MIPOL1: variants seen among roughly 807,000 people sequenced by gnomAD.
MIPOL1 encodes the protein mirror-image polydactyly gene 1 protein.
MIPOL1 carries 57 observed loss-of-function variants against 60.9 expected under a neutral mutation model. The ratio of observed to expected loss-of-function variants is 0.94; its 90% CI spans 0.76 to 1.17. The LOEUF is 1.17. MIPOL1 is among the 50% of genes most tolerant of loss of function. The pLI, the probability that MIPOL1 is intolerant of heterozygous loss-of-function variation, is 0.00. For missense variants in MIPOL1, 551 were observed against 511.6 expected (o/e 1.08, Z -0.74); for synonymous variants, 179 against 168.8 (o/e 1.06, Z -0.47).
chr14:37,268,580 C>A, intron 4 of MIPOL1, 78 bp from the exon 5 acceptor site: 3 of 1,093,676 alleles, frequency 2.7e-6, no homozygotes, highest in Non-Finnish European at 2.6e-6. Context: ...CAAGTTGATA[C>A]TGTTCTCAAG....
chr14:37,349,285 G>A (rs1034106737), intron 9 of MIPOL1, among the ~76,000 whole-genome samples: 4 of 152,086 alleles, frequency 2.6e-5, no homozygotes, highest in African/African-American at 9.7e-5. Context: ...ACTGCACCCG[G>A]CCACTGTGTC....
At chr14:37,324,235 ACT>A (rs2088912945) in intron 9 of MIPOL1, among the ~76,000 whole-genome samples, 1 of 151,996 alleles carries the variant, frequency 6.6e-6, no homozygotes, top group African/African-American at 2.4e-5. Flanking sequence ...TGCTATTGTC[ACT>A]GTCTTTAATT....
chr14:37,362,360 C>G lies in MIPOL1; in HGVS notation c.829-7157C>G, dbSNP rs113908098. Reference sequence around the variant, plus strand: ...TCTGTAAAGGATTATTTCTCCTTCACTTATGAAGCTTAGTTTGGCTGGATA... The same window carrying G: ...TCTGTAAAGGATTATTTCTCCTTCAGTTATGAAGCTTAGTTTGGCTGGATA... On this transcript the variant is annotated intron_variant, in intron 9 of 12. Coordinates refer to ENST00000684589, the MANE Select transcript of MIPOL1 (RefSeq NM_001388067.1). Among the ~76,000 whole-genome samples, 3 of 152,282 alleles carry G rather than the reference C, an allele frequency of 2.0e-5. 1 individual carries two copies. The highest frequency in any genetic ancestry group is 7.2e-5 in the African/African-American group (3 of 41,564).
At chr14:37,545,042 A>G (rs1399695529) in intron 12 of MIPOL1, among the ~76,000 whole-genome samples, 1 of 152,170 alleles carries the variant, frequency 6.6e-6, no homozygotes, top group Non-Finnish European at 1.5e-5. Context: ...GACAACATAG[A>G]GCTGACTTTT....
intron 1 of MIPOL1, among the ~76,000 whole-genome samples, chr14:37,245,398 T>A (rs1459679486): frequency 6.6e-6 from 1 of 152,120 alleles, no homozygotes; most frequent in Non-Finnish European, 1.5e-5. Context: ...ACATGAATAA[T>A]AAGTACTTTC....
intron 11 of MIPOL1, among the ~76,000 whole-genome samples, chr14:37,457,189 G>T (rs960564289): frequency 6.6e-6 from 1 of 152,128 alleles, no homozygotes; most frequent in Non-Finnish European, 1.5e-5. Flanking sequence ...TTAGACCAGG[G>T]CTGTAGGTGA....
chr14:37,292,016 C>T (rs1459992778), intron 7 of MIPOL1, among the ~76,000 whole-genome samples: 1 of 150,308 alleles, frequency 6.7e-6, no homozygotes, highest in East Asian at 2.0e-4. Flanking sequence ...AGCTCCACCT[C>T]CCGGGTTCAT....
chr14:37,293,676 C>T (rs541169876), intron 7 of MIPOL1, among the ~76,000 whole-genome samples: 8 of 152,276 alleles, frequency 5.3e-5, no homozygotes, highest in South Asian at 2.1e-4. Context: ...ACACCTAGAT[C>T]GGAGGGTCCT....
intron 1 of MIPOL1, among the ~76,000 whole-genome samples, chr14:37,202,252 GT>G (rs913053536): frequency 3.3e-5 from 5 of 151,840 alleles, no homozygotes; most frequent in East Asian, 1.9e-4. Flanking sequence ...ATGTATAATT[GT>G]TTTTTTTAGT....
At chr14:37,253,152 A>G (rs548031508) in intron 3 of MIPOL1, among the ~76,000 whole-genome samples, 11 of 151,958 alleles carry the variant, frequency 7.2e-5, no homozygotes, top group South Asian at 4.1e-4. Context: ...CTTATTGCCT[A>G]TATTTTAAAG....
At chr14:37,455,262 C>T (rs1221953960) in intron 11 of MIPOL1, among the ~76,000 whole-genome samples, 1 of 152,088 alleles carries the variant, frequency 6.6e-6, no homozygotes, top group Admixed American at 6.6e-5. Flanking sequence ...CTCTTTTAAT[C>T]GTTAATACTA....
In MIPOL1 at chr14:37,230,222, T is replaced by G. The variant is rs183448513; in HGVS notation, c.-198-16881T>G. Reference sequence around the variant, plus strand: ...ATAAATATGCATTTAAAAATCATTATTAAGAGGTGAATTTTGATAATCTTA... The same window carrying G: ...ATAAATATGCATTTAAAAATCATTAGTAAGAGGTGAATTTTGATAATCTTA... On this transcript the variant is annotated intron_variant, in intron 1 of 12. Coordinates refer to ENST00000684589, the MANE Select transcript of MIPOL1 (RefSeq NM_001388067.1). Among the ~76,000 whole-genome samples, 266 of 152,306 alleles carry G rather than the reference T, an allele frequency of 1.7e-3. 1 individual carries two copies. Among genetic ancestry groups the G allele is most frequent in the African/African-American group, 6.0e-3 (249 of 41,558 alleles).
intron 3 of MIPOL1, among the ~76,000 whole-genome samples, chr14:37,255,545 T>C (rs942823878): frequency 6.6e-6 from 1 of 151,850 alleles, no homozygotes; most frequent in African/African-American, 2.4e-5. Flanking sequence ...ACTTCAACTT[T>C]TAGTGTTTTG....
intron 12 of MIPOL1, among the ~76,000 whole-genome samples, chr14:37,513,409 T>C (rs2095344534): frequency 1.3e-5 from 2 of 152,168 alleles, no homozygotes; most frequent in African/African-American, 4.8e-5. Context: ...TACATAATTA[T>C]ATTCATTTAT....
chr14:37,399,800 A>G (rs1658649675), intron 10 of MIPOL1: 1 of 152,212 alleles, frequency 6.6e-6, no homozygotes, highest in South Asian at 2.1e-4. Context: ...TGCCATGTCC[A>G]TTAGACACTA....
At position 37,489,986 on chromosome 14, in the gene MIPOL1, G is replaced by A. The variant is rs895983271; in HGVS notation, c.1032-9922G>A. On this transcript the variant is annotated intron_variant, in intron 11 of 12. Coordinates refer to ENST00000684589, the MANE Select transcript of MIPOL1 (RefSeq NM_001388067.1). ...TAGCATAGCTTGAACGCTGTGCTGC[G>A]AGATCTGCTGGTCTCTTCAGAGCCA... Among the ~76,000 whole-genome samples, 14 of 152,300 alleles carry A rather than the reference G, an allele frequency of 9.2e-5. No homozygotes were observed. The South Asian group carries it at 1.2e-3, about 14-fold the overall frequency.
At chr14:37,475,242 G>T (rs1394767220) in intron 11 of MIPOL1, among the ~76,000 whole-genome samples, 1 of 152,026 alleles carries the variant, frequency 6.6e-6, no homozygotes, top group African/African-American at 2.4e-5. Context: ...TGGGATCACA[G>T]GCTTACTCAT....
intron 12 of MIPOL1, chr14:37,502,125 A>G (rs968181747): frequency 1.3e-5 from 2 of 152,326 alleles, no homozygotes; most frequent in African/African-American, 4.8e-5. Flanking sequence ...ACCGCAGCTC[A>G]GCAAGGCCTA....
In MIPOL1 at chr14:37,422,884, A is replaced by G; in HGVS notation, c.966A>G (p.Arg322=). The G allele has an allele frequency of 6.2e-7, 1 of 1,608,634 alleles. No homozygotes were observed. Among genetic ancestry groups the G allele is most frequent in the Non-Finnish European group, 8.5e-7 (1 of 1,176,748 alleles). ...KAKLLSMQQA[R]ETAVQQYKKL... is the part of the protein sequence containing the mutation. ...AGTTGTTATCTATGCAACAAGCCAG[A>G]GAAACTGCAGTTCAACAGTACAAAA... Residue 322 remains arginine (R), a synonymous_variant, in exon 11 of 13, where the codon AGA becomes AGG. Transcript: ENST00000684589.
Sources: gnomAD v4.1 joint callset for allele counts (sites outside exome capture counted in the v4.1 genomes callset) on GRCh38, gnomAD v4.1.1 for gene constraint, MANE v1.5 for transcripts, NCBI Gene and HGNC (gene_info 2026-07-23, HGNC 2026-07-21) for gene names.